HSD3B2: variants seen among roughly 807,000 people sequenced by gnomAD.
The protein encoded by HSD3B2 is hydroxy-delta-5-steroid dehydrogenase, 3 beta- and steroid delta-isomerase 2.
Under a neutral mutation model 9.9 loss-of-function variants are expected in HSD3B2, and 8 were observed. The observed-to-expected ratio is 0.81, with a 90% CI of 0.47 to 1.46. The LOEUF (loss-of-function observed/expected upper bound fraction) is 1.46, where lower values mean the gene tolerates loss of function less well. HSD3B2 is among the 40% of genes most tolerant of loss of function. The pLI, the probability that HSD3B2 is intolerant of heterozygous loss-of-function variation, is 0.00. For synonymous variants in HSD3B2, 221 were observed against 184.5 expected (o/e 1.20, Z -1.60); for missense variants, 410 against 448.3 (o/e 0.91, Z 0.77).
chr1:119,416,181 G>A (rs1472458392), intron 2 of HSD3B2, among the ~76,000 whole-genome samples: 3 of 152,128 alleles, frequency 2.0e-5, no homozygotes, highest in Non-Finnish European at 4.4e-5. Context: ...GAGTGAAAGT[G>A]AGAGAGATCA....
chr1:119,421,513 A>G (rs1487914597), intron 3 of HSD3B2, among the ~76,000 whole-genome samples: 1 of 141,014 alleles, frequency 7.1e-6, no homozygotes, highest in African/African-American at 2.6e-5. Flanking sequence ...ATATATATAC[A>G]CACACGTATA....
chr1:119,421,378 TATATATATATA>T (rs1233392321), intron 3 of HSD3B2, among the ~76,000 whole-genome samples: 1 of 107,474 alleles, frequency 9.3e-6, no homozygotes, highest in African/African-American at 3.2e-5. Context: ...AGTGTGTGTG[TATATATATATA>T]TGTATATATA....
In HSD3B2 at chr1:119,422,229, A is replaced by G. The variant is rs1009716576; in HGVS notation, c.728A>G (p.Lys243Arg). 1.9e-6 allele frequency: 3 copies of G among 1,614,126 alleles called. No individual in the cohort carries two copies. The South Asian group carries it at 3.3e-5, about 18-fold the overall frequency. ...ILALRALRDPKKAPSVRGQFY... is the reference protein window; with the variant it reads ...ILALRALRDPRKAPSVRGQFY... ...GCCTTGAGGGCTCTGCGGGACCCCA[A>G]GAAGGCCCCAAGTGTCCGAGGTCAA... The change falls in exon 4 of 4, where the codon AAG becomes AGG. Residue 243 changes from lysine to arginine, a missense_variant. Coordinates refer to ENST00000369416, the MANE Select transcript of HSD3B2 (RefSeq NM_000198.4).
chr1:119,415,497 G>T lies in HSD3B2; in HGVS notation c.78G>T (p.Lys26Asn), dbSNP rs762899067. ...QRIVRLLVEE[K>N]ELKEIRALDK... ...TCGTCCGCCTGTTGGTGGAAGAGAA[G>T]GAACTGAAGGAGATCAGGGCCTTGG... The change falls in exon 2 of 4, where the codon AAG (lysine) becomes AAT (asparagine). Residue 26 changes from lysine (K) to asparagine (N), a missense_variant. Physicochemically the swap from Lys to Asn is moderately conservative, Grantham distance 94. Coordinates refer to ENST00000369416, the MANE Select transcript of HSD3B2 (RefSeq NM_000198.4). The T allele has an allele frequency of 2.1e-5, 34 of 1,613,876 alleles. 1 individual carries two copies. The South Asian group carries it at 3.7e-4, about 18-fold the overall frequency.
intron 2 of HSD3B2, among the ~76,000 whole-genome samples, chr1:119,419,041 C>A (rs180733968): frequency 6.6e-6 from 1 of 152,230 alleles, no homozygotes; most frequent in African/African-American, 2.4e-5. Context: ...GATTCCTCAT[C>A]GCCTACAGAA....
Position 119,422,146 on chromosome 1 carries a change from A to C in HSD3B2, c.645A>C (p.Gly215=). 6.2e-7 allele frequency: 1 copy of C among 1,614,090 alleles called. No homozygotes were observed. The highest frequency in any genetic ancestry group is 1.1e-5 in the South Asian group (1 of 91,082). ...LNNNGILSSV[G]KFSTVNPVYV... ...ACAATGGGATCCTGTCAAGTGTTGG[A>C]AAGTTCTCTACAGTCAACCCAGTCT... is the stretch of plus-strand genomic sequence containing the variant. The change falls in exon 4 of 4, where the codon GGA becomes GGC. Residue 215 remains glycine (G), a synonymous_variant. Transcript: ENST00000369416.
rs769828729 is a variant in HSD3B2, at chr1:119,415,479, C to G, written c.60C>G (p.Arg20=). The G allele has an allele frequency of 3.1e-6, 5 of 1,613,884 alleles. No homozygotes were observed. Among genetic ancestry groups the G allele is most frequent in the Non-Finnish European group, 4.2e-6 (5 of 1,179,894 alleles). Residue 20 remains arginine, a synonymous_variant, in exon 2 of 4, where the codon CGC becomes CGG. Coordinates refer to ENST00000369416, the MANE Select transcript of HSD3B2 (RefSeq NM_000198.4). ...AGGLLGQRIV[R]LLVEEKELKE... The stretch of plus-strand genomic sequence containing the variant: ...GGCTTCTGGGTCAGAGGATCGTCCG[C>G]CTGTTGGTGGAAGAGAAGGAACTGA...
chr1:119,415,052 G>T, upstream of HSD3B2: 1 of 321,660 alleles, frequency 3.1e-6, no homozygotes, highest in South Asian at 3.0e-5. Flanking sequence ...AGGGATTCTG[G>T]AGGAGGAGGG....
chr1:119,415,260 T>C (rs714748), intron 1 of HSD3B2, 58 bp downstream of exon 1: 1 of 717,566 alleles, frequency 1.4e-6, no homozygotes. Flanking sequence ...TCATGGAATT[T>C]TTGTAAAAAA....
At position 119,422,228 on chromosome 1, in the gene HSD3B2, A is replaced by G. The variant is rs956243022; in HGVS notation, c.727A>G (p.Lys243Glu). 6.2e-7 allele frequency: 1 copy of G among 1,614,076 alleles called. No homozygotes were observed. Among genetic ancestry groups the G allele is most frequent in the Non-Finnish European group, 8.5e-7 (1 of 1,180,008 alleles). Residue 243 changes from lysine (K) to glutamate (E), a missense_variant, in exon 4 of 4, where the codon AAG becomes GAG. Lys to Glu is a moderately conservative substitution (Grantham distance 56). Transcript: ENST00000369416. The part of the protein sequence containing the change: ...ILALRALRDP[K>E]KAPSVRGQFY... ...GGCCTTGAGGGCTCTGCGGGACCCC[A>G]AGAAGGCCCCAAGTGTCCGAGGTCA...
At chr1:119,419,797 G>A (rs894099587) in intron 3 of HSD3B2, 2 of 576,108 alleles carry the variant, frequency 3.5e-6, no homozygotes, top group Non-Finnish European at 6.2e-6. Flanking sequence ...CTTGTCCAAG[G>A]CCCCAAAAGT....
intron 2 of HSD3B2, among the ~76,000 whole-genome samples, chr1:119,416,324 A>C (rs888650853): frequency 6.6e-6 from 1 of 152,114 alleles, no homozygotes; most frequent in Admixed American, 6.5e-5. Context: ...TTAAAAAAAA[A>C]CCATTTGTAT....
Position 119,415,349 on chromosome 1 carries a change from T to G in HSD3B2, c.-71T>G. 1 of 1,540,046 alleles carries G rather than the reference T, an allele frequency of 6.5e-7. No individual in the cohort carries two copies. The highest frequency in any genetic ancestry group is 1.1e-5 in the South Asian group (1 of 89,518). On this transcript the variant is annotated 5_prime_UTR_variant, in exon 2 of 4. Coordinates refer to ENST00000369416, the MANE Select transcript of HSD3B2 (RefSeq NM_000198.4). ...TTTTTAGCCCTCTTCTGGGTCACGC[T>G]AGAATCAGATCTGCTCTCCAGCATC...
chr1:119,422,319 A>G lies in HSD3B2; in HGVS notation c.818A>G (p.Lys273Arg), dbSNP rs761754141. ...SYDNLNYILS[K>R]EFGLRLDSRW... ...GATAACCTTAATTACATCCTGAGCA[A>G]AGAGTTTGGCCTCCGCCTTGATTCC... The change falls in exon 4 of 4, where the codon AAA becomes AGA. Residue 273 changes from lysine to arginine, a missense_variant. Physicochemically the swap from Lys to Arg is conservative, Grantham distance 26. Transcript: ENST00000369416. 1 of 1,614,140 alleles carries G rather than the reference A, an allele frequency of 6.2e-7. No homozygotes were observed. Among genetic ancestry groups the G allele is most frequent in the Non-Finnish European group, 8.5e-7 (1 of 1,180,010 alleles).
rs760787616 is a variant in HSD3B2, at chr1:119,422,155, T to C, written c.654T>C (p.Ser218=). Residue 218 remains serine (S), a synonymous_variant, in exon 4 of 4, where the codon TCT becomes TCC. Coordinates refer to ENST00000369416, the MANE Select transcript of HSD3B2 (RefSeq NM_000198.4). ...TCCTGTCAAGTGTTGGAAAGTTCTC[T>C]ACAGTCAACCCAGTCTATGTTGGCA... ...NGILSSVGKF[S]TVNPVYVGNV... 6.2e-7 allele frequency: 1 copy of C among 1,614,138 alleles called. No homozygotes were observed. Among genetic ancestry groups the C allele is most frequent in the South Asian group, 1.1e-5 (1 of 91,084 alleles).
intron 2 of HSD3B2, among the ~76,000 whole-genome samples, chr1:119,415,862 T>C (rs1381284668): frequency 6.6e-6 from 1 of 152,198 alleles, no homozygotes; most frequent in Non-Finnish European, 1.5e-5. Context: ...CTACAACTCT[T>C]ATGTTCTGAA....
chr1:119,421,060 G>A (rs996633159), intron 3 of HSD3B2, among the ~76,000 whole-genome samples: 2 of 152,114 alleles, frequency 1.3e-5, no homozygotes, highest in Non-Finnish European at 2.9e-5. Flanking sequence ...TGACTCCAGG[G>A]ATGGTCTTTG....
rs756389486 is a variant in HSD3B2 at position 119,421,937 on chromosome 1, C to T, written c.436C>T (p.Leu146=). 4 of 1,614,100 alleles carry T rather than the reference C, an allele frequency of 2.5e-6. No homozygotes were observed. The highest frequency in any genetic ancestry group is 1.6e-4 in the Middle Eastern group (1 of 6,062). ...IIQNGHEEEP[L]ENTWPTPYPY... is the part of the protein sequence containing the mutation. Reference sequence around the variant, plus strand: ...CCAGAACGGCCACGAAGAAGAGCCTCTGGAAAACACATGGCCCACTCCATA... The same window carrying T: ...CCAGAACGGCCACGAAGAAGAGCCTTTGGAAAACACATGGCCCACTCCATA... Residue 146 remains leucine (L), a synonymous_variant, in exon 4 of 4, where the codon CTG becomes TTG. Coordinates refer to ENST00000369416, the MANE Select transcript of HSD3B2 (RefSeq NM_000198.4).
intron 3 of HSD3B2, among the ~76,000 whole-genome samples, chr1:119,421,381 ATATATATATG>A (rs1651851740): frequency 1.5e-4 from 17 of 113,586 alleles, no homozygotes; most frequent in Non-Finnish European, 1.3e-4. Context: ...GTGTGTGTAT[ATATATATATG>A]TATATATATA....
Sources: allele counts gnomAD v4.1 joint callset (sites outside exome capture counted in the v4.1 genomes callset), GRCh38; gene constraint gnomAD v4.1.1; transcripts MANE v1.5; gene names NCBI Gene and HGNC (gene_info 2026-07-23, HGNC 2026-07-21).